CSMD3: variants seen among roughly 807,000 people sequenced by gnomAD.
CSMD3 encodes the protein CUB and Sushi multiple domains 3.
A neutral mutation model predicts 435.2 loss-of-function variants in CSMD3; 177 were observed. That is an observed-to-expected ratio of 0.41 (90% CI 0.36 to 0.46). The LOEUF (loss-of-function observed/expected upper bound fraction) is 0.46. CSMD3 is among the 20% of genes least tolerant of loss of function. CSMD3 has a pLI of 0.34. For synonymous variants in CSMD3, 1,656 were observed against 1,520.5 expected (o/e 1.09, Z -2.07); for missense variants, 4,265 against 4,504.6 (o/e 0.95, Z 1.52).
At chr8:112,724,720 T>C (rs901206088) in intron 13 of CSMD3, among the ~76,000 whole-genome samples, 1 of 152,032 alleles carries the variant, frequency 6.6e-6, no homozygotes, top group African/African-American at 2.4e-5. Flanking sequence ...TTTAAAATCA[T>C]GCAACCCAGA....
At chr8:112,714,352 G>A (rs970283472) in intron 13 of CSMD3, among the ~76,000 whole-genome samples, 2 of 151,994 alleles carry the variant, frequency 1.3e-5, no homozygotes, top group Non-Finnish European at 2.9e-5. Flanking sequence ...ATGGTAAAGG[G>A]ATCAATTCAA....
At chr8:112,708,107 G>C (rs2076536767) in intron 13 of CSMD3, among the ~76,000 whole-genome samples, 1 of 152,050 alleles carries the variant, frequency 6.6e-6, no homozygotes, top group Admixed American at 6.6e-5. Context: ...GGGAGAAAAA[G>C]TTATTTTCAT....
chr8:113,061,062 T>C (rs1199578568), intron 5 of CSMD3, among the ~76,000 whole-genome samples: 1 of 152,168 alleles, frequency 6.6e-6, no homozygotes, highest in Non-Finnish European at 1.5e-5. Flanking sequence ...TGGAGATTTT[T>C]TGTCATCCTT....
At chr8:112,363,852 G>A (rs1205295474) in intron 38 of CSMD3, among the ~76,000 whole-genome samples, 13 of 152,006 alleles carry the variant, frequency 8.6e-5, no homozygotes, top group Admixed American at 7.9e-4. Context: ...ATTGAAATTA[G>A]AAATGACAAA....
chr8:112,984,936 T>C (rs1045989781), intron 6 of CSMD3, among the ~76,000 whole-genome samples: 1 of 152,038 alleles, frequency 6.6e-6, no homozygotes, highest in South Asian at 2.1e-4. Context: ...TACCTCATCC[T>C]TGCTATTTCA....
At chr8:112,685,060 A>T (rs1161662823) in intron 15 of CSMD3, among the ~76,000 whole-genome samples, 2 of 152,210 alleles carry the variant, frequency 1.3e-5, no homozygotes, top group Non-Finnish European at 2.9e-5. Flanking sequence ...TTTATGTTGC[A>T]TACAAATAAC....
chr8:112,281,857 T>A (rs1187811620), intron 58 of CSMD3, among the ~76,000 whole-genome samples: 1 of 152,116 alleles, frequency 6.6e-6, no homozygotes, highest in Non-Finnish European at 1.5e-5. Flanking sequence ...AATGTATAAA[T>A]TCTATTTCTA....
intron 18 of CSMD3, among the ~76,000 whole-genome samples, chr8:112,654,008 T>C (rs533262915): frequency 6.7e-6 from 1 of 148,176 alleles, no homozygotes; most frequent in East Asian, 2.0e-4. Flanking sequence ...GGGGGGCAGA[T>C]AGAATGGGGT....
intron 3 of CSMD3, among the ~76,000 whole-genome samples, chr8:113,231,672 T>G (rs2093088831): frequency 6.6e-6 from 1 of 151,582 alleles, no homozygotes; most frequent in African/African-American, 2.4e-5. Context: ...ACAAAAATAC[T>G]TTTCTTCATA....
intron 6 of CSMD3, among the ~76,000 whole-genome samples, chr8:112,999,192 GA>G (rs139298387): frequency 2.7e-4 from 41 of 150,136 alleles, no homozygotes; most frequent in South Asian, 4.2e-4. Flanking sequence ...ATAGCACTAT[GA>G]AAAAAAAATA....
At chr8:112,982,260 G>T (rs1337076333) in intron 6 of CSMD3, among the ~76,000 whole-genome samples, 2 of 151,790 alleles carry the variant, frequency 1.3e-5, no homozygotes. Flanking sequence ...AATACAAACT[G>T]AATTCTTTTT....
intron 3 of CSMD3, among the ~76,000 whole-genome samples, chr8:113,230,431 A>C (rs1172830956): frequency 6.6e-6 from 1 of 151,622 alleles, no homozygotes; most frequent in African/African-American, 2.4e-5. Context: ...ATTTTTGTAC[A>C]GCTCCAGTGA....
intron 28 of CSMD3, among the ~76,000 whole-genome samples, chr8:112,515,337 A>G (rs1007473343): frequency 6.6e-6 from 1 of 152,158 alleles, no homozygotes; most frequent in South Asian, 2.1e-4. Context: ...TTTATTCTTT[A>G]CATAAATATG....
chr8:112,990,121 T>G (rs1350981781), intron 6 of CSMD3, among the ~76,000 whole-genome samples: 1 of 152,034 alleles, frequency 6.6e-6, no homozygotes, highest in Non-Finnish European at 1.5e-5. Context: ...ATTAAAATTT[T>G]TCCTTTATAC....
chr8:113,134,613 G>A (rs1222364950), intron 4 of CSMD3, among the ~76,000 whole-genome samples: 1 of 151,984 alleles, frequency 6.6e-6, no homozygotes, highest in Non-Finnish European at 1.5e-5. Flanking sequence ...ATTTATATAT[G>A]TGCATACACA....
rs2130678796 is a variant in CSMD3 at position 112,291,668 on chromosome 8, G to A, written c.8816C>T (p.Pro2939Leu). 1 of 1,612,238 alleles carries A rather than the reference G, an allele frequency of 6.2e-7. No homozygotes were observed. The highest frequency in any genetic ancestry group is 8.5e-7 in the Non-Finnish European group (1 of 1,178,768). Reference sequence around the variant, plus strand: ...TTTACTTTCTCTTTTAGAATTGGCTGGAATTCCAGGATCAGAACAGTTGAC... The same window carrying A: ...TTTACTTTCTCTTTTAGAATTGGCTAGAATTCCAGGATCAGAACAGTTGAC... ...KVVNCSDPGI[P>L]ANSKRESKIE... Residue 2939 changes from proline to leucine, a missense_variant, in exon 56 of 71, where the codon CCA becomes CTA. Pro to Leu is a moderately conservative substitution (Grantham distance 98). Around this residue, in one of 3 missense-constraint regions of CSMD3, gnomAD observed 3,255 missense variants for 3,380.2 expected, o/e 0.96. Transcript: ENST00000297405.
At chr8:113,068,984 G>C (rs1003983109) in intron 5 of CSMD3, among the ~76,000 whole-genome samples, 1 of 151,764 alleles carries the variant, frequency 6.6e-6, no homozygotes, top group Non-Finnish European at 1.5e-5. Context: ...AACAGGTAAG[G>C]AAACAGTTAC....
Position 112,238,083 on chromosome 8 carries a change from G to C in CSMD3, c.10469-735C>G, listed in dbSNP as rs187728138. On this transcript the variant is annotated intron_variant, in intron 66 of 70. Coordinates refer to ENST00000297405, the MANE Select transcript of CSMD3 (RefSeq NM_198123.2). ...TATTGTATTTATATAAATTATTTAT[G>C]TAATTTAAAGTTATATAAATTGGTT... Among the ~76,000 whole-genome samples, 247 of 152,012 alleles carry C rather than the reference G, an allele frequency of 1.6e-3. 6 individuals carry two copies. Among genetic ancestry groups the C allele is most frequent in the Admixed American group, 0.016 (247 of 15,244 alleles).
chr8:112,630,816 G>A (rs1350463699), intron 22 of CSMD3, among the ~76,000 whole-genome samples: 2 of 152,040 alleles, frequency 1.3e-5, no homozygotes, highest in Non-Finnish European at 2.9e-5. Context: ...TCTTAGCAGT[G>A]TAAAGTCAAT....
Sources: gnomAD v4.1 joint callset for allele counts (sites outside exome capture counted in the v4.1 genomes callset) on GRCh38, gnomAD v4.1.1 for gene constraint, gnomAD v4.1.1 regional missense constraint, MANE v1.5 for transcripts, NCBI Gene and HGNC (gene_info 2026-07-23, HGNC 2026-07-21) for gene names.